Variants in UBE3D observed in about 807,000 individuals in gnomAD.
UBE3D encodes ubiquitin protein ligase E3D.
UBE3D carries 48 observed loss-of-function variants against 49.6 expected under a neutral mutation model. The observed-to-expected ratio is 0.97, with a 90% CI of 0.77 to 1.23. The LOEUF (loss-of-function observed/expected upper bound fraction) is 1.23. UBE3D is among the 50% of genes most tolerant of loss of function. The probability of loss-of-function intolerance (pLI) is 0.00; values close to 1 mark genes in which losing one functional copy is unlikely to be tolerated. For synonymous variants in UBE3D, 189 were observed against 174.2 expected, an observed-to-expected ratio of 1.08 and a Z score of -0.67; for missense variants, 452 against 468.4, an observed-to-expected ratio of 0.96 and a Z score of 0.32.
chr6:82,942,704 G>T (rs1001312840), intron 9 of UBE3D, among the ~76,000 whole-genome samples: 1 of 152,246 alleles, frequency 6.6e-6, no homozygotes, highest in African/African-American at 2.4e-5. Context: ...CAGTTGTCAA[G>T]AATTGAAGTT....
chr6:83,026,618 A>G (rs984596613), intron 5 of UBE3D, among the ~76,000 whole-genome samples: 4 of 152,144 alleles, frequency 2.6e-5, no homozygotes, highest in African/African-American at 7.3e-5. Flanking sequence ...AGATGTGTCA[A>G]TATTTACTAT....
intron 3 of UBE3D, among the ~76,000 whole-genome samples, chr6:83,052,411 A>G (rs1446156894): frequency 6.6e-6 from 1 of 152,168 alleles, no homozygotes; most frequent in East Asian, 1.9e-4. Flanking sequence ...TAAACCTTAG[A>G]CGAACACCTA....
At chr6:83,044,066 C>T (rs939136913) in intron 4 of UBE3D, among the ~76,000 whole-genome samples, 2 of 152,204 alleles carry the variant, frequency 1.3e-5, no homozygotes, top group African/African-American at 4.8e-5. Flanking sequence ...TAGTAGATAT[C>T]CTGGAGCAAG....
chr6:83,022,701 C>A (rs1317526635), intron 6 of UBE3D, 140 bp from the exon 7 acceptor site: 5 of 513,130 alleles, frequency 9.7e-6, no homozygotes, highest in Non-Finnish European at 1.7e-5. Flanking sequence ...CTCATTCCCT[C>A]AGAATCTGCA....
chr6:82,920,142 T>C (rs1393464075), intron 9 of UBE3D, among the ~76,000 whole-genome samples: 6 of 152,338 alleles, frequency 3.9e-5, no homozygotes, highest in Middle Eastern at 6.8e-3. Flanking sequence ...CACAGTTGAC[T>C]GAAGCTGTGG....
At chr6:82,889,835 G>A (rs1770949198), downstream of UBE3D, among the ~76,000 whole-genome samples, 1 of 151,622 alleles carries the variant, frequency 6.6e-6, no homozygotes, top group Non-Finnish European at 1.5e-5. Context: ...TGTTCTAAAA[G>A]TCCTCACTGA....
chr6:83,008,886 G>A (rs1780163248), intron 8 of UBE3D, among the ~76,000 whole-genome samples: 2 of 152,002 alleles, frequency 1.3e-5, no homozygotes, highest in African/African-American at 4.8e-5. Context: ...ACAGCAGGAG[G>A]AAAAATAAAA....
At chr6:83,020,757 C>T (rs140593178) in intron 7 of UBE3D, among the ~76,000 whole-genome samples, 12 of 152,166 alleles carry the variant, frequency 7.9e-5, no homozygotes, top group Non-Finnish European at 1.5e-4. Flanking sequence ...AATGGATGGC[C>T]AGCTACAGAG....
chr6:82,945,217 C>T (rs1400016280), intron 9 of UBE3D, among the ~76,000 whole-genome samples: 1 of 152,154 alleles, frequency 6.6e-6, no homozygotes, highest in Non-Finnish European at 1.5e-5. Context: ...ATGGTGGCCA[C>T]AGGGGCGATT....
At chr6:83,042,173 G>T (rs1221460235) in intron 4 of UBE3D, among the ~76,000 whole-genome samples, 1 of 152,172 alleles carries the variant, frequency 6.6e-6, no homozygotes, top group African/African-American at 2.4e-5. Flanking sequence ...CTCCCAAAGT[G>T]CTGGGATTAC....
At chr6:83,055,409 GT>G (rs1242222214) in intron 2 of UBE3D, among the ~76,000 whole-genome samples, 2 of 152,214 alleles carry the variant, frequency 1.3e-5, no homozygotes, top group East Asian at 3.9e-4. Flanking sequence ...AATCTTAACA[GT>G]TTTTAAGGGG....
At chr6:82,895,593 T>C (rs1771260517) in intron 9 of UBE3D, among the ~76,000 whole-genome samples, 1 of 152,216 alleles carries the variant, frequency 6.6e-6, no homozygotes, top group South Asian at 2.1e-4. Context: ...ATGAAATTTG[T>C]AAAACACTTT....
intron 9 of UBE3D, chr6:82,938,235 AGAT>A (rs1562101216): frequency 6.6e-6 from 1 of 152,224 alleles, no homozygotes; most frequent in Admixed American, 6.5e-5. Flanking sequence ...TTCATCCCAT[AGAT>A]AACGAAACTG....
chr6:82,906,386 C>T (rs1772101570), intron 9 of UBE3D, among the ~76,000 whole-genome samples: 1 of 152,132 alleles, frequency 6.6e-6, no homozygotes, highest in Non-Finnish European at 1.5e-5. Context: ...ATTTGATATG[C>T]TTTAATCCAC....
intron 3 of UBE3D, among the ~76,000 whole-genome samples, chr6:83,045,540 T>C (rs983466477): frequency 6.6e-6 from 1 of 151,966 alleles, no homozygotes; most frequent in Admixed American, 6.5e-5. Context: ...TATTAATCTG[T>C]TACAAATTTT....
At chr6:83,021,670 T>C (rs1781101378) in intron 7 of UBE3D, among the ~76,000 whole-genome samples, 1 of 151,696 alleles carries the variant, frequency 6.6e-6, no homozygotes, top group Non-Finnish European at 1.5e-5. Context: ...ATCGAGACCA[T>C]CCTGGCTAAC....
chr6:83,016,008 C>G (rs182690152), intron 8 of UBE3D, among the ~76,000 whole-genome samples: 9 of 152,268 alleles, frequency 5.9e-5, no homozygotes, highest in African/African-American at 2.2e-4. Context: ...CATTTTTTCC[C>G]AATTAATCCC....
intron 9 of UBE3D, among the ~76,000 whole-genome samples, chr6:82,950,719 A>C (rs138204633): frequency 3.4e-3 from 513 of 152,334 alleles, no homozygotes; most frequent in African/African-American, 0.012. Context: ...CCATCAACAG[A>C]TGAATGAATA....
intron 8 of UBE3D, among the ~76,000 whole-genome samples, chr6:82,982,872 G>C (rs1404171096): frequency 6.6e-6 from 1 of 152,094 alleles, no homozygotes; most frequent in East Asian, 1.9e-4. Flanking sequence ...GTTACTCTGA[G>C]GCACAGCTCA....
Sources: allele counts gnomAD v4.1 joint callset (sites outside exome capture counted in the v4.1 genomes callset), GRCh38; gene constraint gnomAD v4.1.1; transcripts MANE v1.5; gene names NCBI Gene and HGNC (gene_info 2026-07-23, HGNC 2026-07-21).